The following DLG2 variants were observed in gnomAD, a reference collection of about 807,000 sequenced individuals.
DLG2 encodes the protein discs large MAGUK scaffold protein 2, also known as disks large homolog 2.
DLG2 carries 45 observed loss-of-function variants against 132.5 expected under a neutral mutation model. The ratio of observed to expected loss-of-function variants is 0.34; its 90% CI spans 0.27 to 0.44. The LOEUF is 0.44. Among genes scored for constraint, DLG2 ranks in the 20% least tolerant of loss-of-function variants. The pLI, the probability that DLG2 is intolerant of heterozygous loss-of-function variation, is 1.00. For synonymous variants in DLG2, 424 were observed against 419.6 expected (o/e 1.01, Z -0.13); for missense variants, 1,045 against 1,196.9 (o/e 0.87, Z 1.87).
At chr11:84,365,570 C>T (rs2098677314) in intron 7 of DLG2, among the ~76,000 whole-genome samples, 2 of 151,788 alleles carry the variant, frequency 1.3e-5, no homozygotes, top group Non-Finnish European at 1.5e-5. Context: ...AATGTGTTTG[C>T]TCTTGCTTTT....
intron 7 of DLG2, among the ~76,000 whole-genome samples, chr11:84,321,251 G>T (rs1470945148): frequency 6.6e-6 from 1 of 152,032 alleles, no homozygotes; most frequent in Non-Finnish European, 1.5e-5. Context: ...GTCTAACCCA[G>T]CATCATTTCT....
chr11:84,187,903 C>A (rs754319875), intron 8 of DLG2, among the ~76,000 whole-genome samples: 9 of 152,086 alleles, frequency 5.9e-5, no homozygotes, highest in Non-Finnish European at 1.3e-4. Context: ...GGCAACGTGG[C>A]ATATATTCTT....
At chr11:83,888,456 C>A (rs2068623668) in intron 15 of DLG2, among the ~76,000 whole-genome samples, 3 of 151,950 alleles carry the variant, frequency 2.0e-5, no homozygotes, top group Admixed American at 2.0e-4. Flanking sequence ...AAAGAGGATA[C>A]AAACAAATGG....
intron 5 of DLG2, among the ~76,000 whole-genome samples, chr11:85,136,788 A>G (rs2076168701): frequency 6.6e-6 from 1 of 152,176 alleles, no homozygotes; most frequent in Non-Finnish European, 1.5e-5. Flanking sequence ...TGTCTATTCT[A>G]GAATCTAAGC....
Position 83,480,115 on chromosome 11 carries a change from C to CTGAG in DLG2, c.2293+4010_2293+4013dup, listed in dbSNP as rs147543406. ...CACCTTCTCTGTGAGAATTGAATCA[C>CTGAG]TGAGTCACAACCAACTGAGGTTGGA... On this transcript the variant is annotated intron_variant, in intron 22 of 27. Transcript: ENST00000376104. Among the ~76,000 whole-genome samples, 846 of 152,180 alleles carry CTGAG rather than the reference C, an allele frequency of 5.6e-3. 10 individuals carry two copies. The highest frequency in any genetic ancestry group is 0.02 in the African/African-American group (815 of 41,528).
intron 7 of DLG2, among the ~76,000 whole-genome samples, chr11:84,339,712 A>G (rs1314724791): frequency 6.6e-6 from 1 of 152,232 alleles, no homozygotes; most frequent in Non-Finnish European, 1.5e-5. Context: ...CTGGAATTCC[A>G]GCATCTCCCC....
chr11:83,736,433 T>G (rs1055202181), intron 18 of DLG2, among the ~76,000 whole-genome samples: 7 of 132,582 alleles, frequency 5.3e-5, no homozygotes, highest in African/African-American at 2.4e-4. Flanking sequence ...GAAATGCATT[T>G]TTTAGATACA....
chr11:84,215,928 G>A (rs1295161899), intron 8 of DLG2, among the ~76,000 whole-genome samples: 1 of 152,142 alleles, frequency 6.6e-6, no homozygotes, highest in African/African-American at 2.4e-5. Context: ...TTTGGAAAGG[G>A]AAGAACTGAC....
intron 6 of DLG2, among the ~76,000 whole-genome samples, chr11:84,982,668 G>A (rs1244577376): frequency 6.6e-6 from 1 of 151,846 alleles, no homozygotes; most frequent in African/African-American, 2.4e-5. Flanking sequence ...CTGGGTAGAT[G>A]CAAAAATCCT....
intron 18 of DLG2, among the ~76,000 whole-genome samples, chr11:83,646,031 T>TG (rs1189488957): frequency 1.3e-5 from 2 of 152,122 alleles, no homozygotes; most frequent in African/African-American, 4.8e-5. Flanking sequence ...ATTTAAGAAA[T>TG]TATCCTCTTT....
intron 7 of DLG2, among the ~76,000 whole-genome samples, chr11:84,316,375 A>T (rs543560070): frequency 9.8e-5 from 15 of 152,324 alleles, no homozygotes; most frequent in African/African-American, 3.6e-4. Context: ...GAGTAAAATT[A>T]GAATAGCATA....
intron 4 of DLG2, among the ~76,000 whole-genome samples, chr11:85,158,817 G>A (rs2077801311): frequency 1.3e-5 from 2 of 152,090 alleles, no homozygotes; most frequent in African/African-American, 2.4e-5. Context: ...GTTTCTAGAA[G>A]TGAAATTGAT....
chr11:84,428,948 G>A (rs1389357211), intron 7 of DLG2, among the ~76,000 whole-genome samples: 1 of 151,650 alleles, frequency 6.6e-6, no homozygotes, highest in Non-Finnish European at 1.5e-5. Context: ...GCTAGTTACT[G>A]TTTGTTTTAC....
chr11:84,648,071 G>A (rs749488725), intron 6 of DLG2, among the ~76,000 whole-genome samples: 3 of 152,136 alleles, frequency 2.0e-5, no homozygotes, highest in Non-Finnish European at 4.4e-5. Context: ...AACATAGCTA[G>A]TAAAAACAGG....
chr11:84,352,784 G>T (rs562667289), intron 7 of DLG2, among the ~76,000 whole-genome samples: 26 of 152,282 alleles, frequency 1.7e-4, no homozygotes, highest in Non-Finnish European at 2.9e-4. Flanking sequence ...AGACAATGTG[G>T]AACTTTATGA....
intron 6 of DLG2, among the ~76,000 whole-genome samples, chr11:84,968,244 G>T (rs959861566): frequency 6.6e-6 from 1 of 152,074 alleles, no homozygotes; most frequent in African/African-American, 2.4e-5. Context: ...ATATATAATA[G>T]ATTTAGCACA....
chr11:83,846,713 A>T (rs1403123895), intron 16 of DLG2, among the ~76,000 whole-genome samples: 1 of 152,138 alleles, frequency 6.6e-6, no homozygotes, highest in Non-Finnish European at 1.5e-5. Flanking sequence ...CAAATTAAAA[A>T]ATTTTCTTCT....
intron 6 of DLG2, among the ~76,000 whole-genome samples, chr11:84,972,165 T>G (rs1201988451): frequency 6.6e-6 from 1 of 152,156 alleles, no homozygotes; most frequent in East Asian, 1.9e-4. Context: ...CCTGTGCTTC[T>G]TATACAATGA....
At chr11:85,226,734 G>GA (rs767101801) in intron 4 of DLG2, among the ~76,000 whole-genome samples, 1 of 152,066 alleles carries the variant, frequency 6.6e-6, no homozygotes, top group Non-Finnish European at 1.5e-5. Context: ...TAACACAACA[G>GA]AAAAAGACAA....
Sources: allele counts gnomAD v4.1 joint callset (sites outside exome capture counted in the v4.1 genomes callset), GRCh38; gene constraint gnomAD v4.1.1; transcripts MANE v1.5; gene names NCBI Gene and HGNC (gene_info 2026-07-23, HGNC 2026-07-21).